The following NRXN1 variants were observed in gnomAD, a reference collection of about 807,000 sequenced individuals.
NRXN1 encodes neurexin-1.
Under a neutral mutation model 150.9 loss-of-function variants are expected in NRXN1, and 39 were observed. That is an observed-to-expected ratio of 0.26 (90% CI 0.20 to 0.34). NRXN1 has a LOEUF of 0.34. Among genes scored for constraint, NRXN1 ranks in the 10% least tolerant of loss-of-function variants. The pLI, the probability that NRXN1 is intolerant of heterozygous loss-of-function variation, is 1.00. For synonymous variants in NRXN1, 924 were observed against 757.0 expected (o/e 1.22, Z -3.62); for missense variants, 1,815 against 1,949.9 (o/e 0.93, Z 1.30).
At chr2:50,479,462 A>G (rs1026144704) in intron 15 of NRXN1, among the ~76,000 whole-genome samples, 2 of 152,222 alleles carry the variant, frequency 1.3e-5, no homozygotes, top group Non-Finnish European at 2.9e-5. Context: ...AAATGATTTT[A>G]TCTTTTTCAG....
intron 5 of NRXN1, among the ~76,000 whole-genome samples, chr2:50,707,468 C>A (rs1384654928): frequency 6.6e-6 from 1 of 152,176 alleles, no homozygotes; most frequent in Non-Finnish European, 1.5e-5. Context: ...ATACCCATTT[C>A]AACTTCCAAA....
intron 5 of NRXN1, among the ~76,000 whole-genome samples, chr2:50,885,296 T>A (rs1336481390): frequency 1.3e-5 from 2 of 151,298 alleles, no homozygotes; most frequent in Admixed American, 6.6e-5. Context: ...GAAAGCTATA[T>A]CTTAGAAACA....
intron 15 of NRXN1, among the ~76,000 whole-genome samples, chr2:50,481,228 CACT>C (rs1162198124): frequency 1.3e-5 from 2 of 152,164 alleles, no homozygotes; most frequent in Non-Finnish European, 2.9e-5. Context: ...TGTACAGCTT[CACT>C]ACTACAACAT....
intron 21 of NRXN1, among the ~76,000 whole-genome samples, chr2:49,987,243 C>T (rs1404251516): frequency 6.6e-6 from 1 of 151,992 alleles, no homozygotes; most frequent in African/African-American, 2.4e-5. Context: ...TCTCTTAGCT[C>T]CCACATATGA....
chr2:50,201,841 A>G (rs1313080618), intron 18 of NRXN1, among the ~76,000 whole-genome samples: 3 of 152,202 alleles, frequency 2.0e-5, no homozygotes, highest in Admixed American at 6.5e-5. Flanking sequence ...ATTAGCTTCC[A>G]AGGTAGTGCA....
intron 5 of NRXN1, among the ~76,000 whole-genome samples, chr2:50,814,319 T>C (rs575046923): frequency 7.9e-5 from 12 of 152,196 alleles, no homozygotes; most frequent in African/African-American, 2.9e-4. Context: ...TTTTAATCAA[T>C]ATAAATTATA....
At chr2:49,927,272 T>G (rs2104103067) in intron 22 of NRXN1, among the ~76,000 whole-genome samples, 1 of 152,358 alleles carries the variant, frequency 6.6e-6, no homozygotes, top group East Asian at 1.9e-4. Context: ...ACTTTCTAAA[T>G]TTGTTTGCAA....
At chr2:50,380,390 G>A (rs1270145935) in intron 17 of NRXN1, among the ~76,000 whole-genome samples, 1 of 151,832 alleles carries the variant, frequency 6.6e-6, no homozygotes, top group African/African-American at 2.4e-5. Context: ...CTGTCAAAAT[G>A]GTCCTAAGGT....
At chr2:50,866,539 T>A (rs115942830) in intron 5 of NRXN1, among the ~76,000 whole-genome samples, 1 of 152,056 alleles carries the variant, frequency 6.6e-6, no homozygotes, top group South Asian at 2.1e-4. Flanking sequence ...ATGGCTGTCA[T>A]GAAAGTAGAT....
intron 12 of NRXN1, among the ~76,000 whole-genome samples, chr2:50,524,700 T>A (rs1307269305): frequency 6.6e-6 from 1 of 152,004 alleles, no homozygotes; most frequent in African/African-American, 2.4e-5. Flanking sequence ...ATATGACAAT[T>A]AGGACTTACC....
intron 17 of NRXN1, among the ~76,000 whole-genome samples, chr2:50,332,613 T>A (rs1395398315): frequency 1.3e-5 from 2 of 152,238 alleles, no homozygotes; most frequent in Non-Finnish European, 2.9e-5. Context: ...ACTCTCTTTG[T>A]AAATTTGTTT....
At chr2:50,107,520 C>CATATAT (rs150310372) in intron 18 of NRXN1, among the ~76,000 whole-genome samples, 36 of 136,060 alleles carry the variant, frequency 2.6e-4, no homozygotes, top group African/African-American at 8.9e-4. Context: ...TTCCAGACTA[C>CATATAT]ATATATATAT....
At chr2:50,926,098 A>G in intron 2 of NRXN1, 143 bp from the exon 3 acceptor site, 1 of 702,158 alleles carries the variant, frequency 1.4e-6, no homozygotes, top group East Asian at 2.8e-5. Flanking sequence ...TTCAAGGGGG[A>G]AAACAAAATC....
chr2:50,739,172 C>G, intron 5 of NRXN1: 1 of 361,352 alleles, frequency 2.8e-6, no homozygotes, highest in Non-Finnish European at 5.8e-6. Flanking sequence ...AAAATTCTTA[C>G]AAATCCTTAT....
At chr2:50,661,464 T>C (rs1197787673) in intron 5 of NRXN1, among the ~76,000 whole-genome samples, 1 of 152,068 alleles carries the variant, frequency 6.6e-6, no homozygotes. Context: ...CAAACATAAA[T>C]AGTGATTTCC....
intron 5 of NRXN1, among the ~76,000 whole-genome samples, chr2:50,744,821 A>G (rs1315874893): frequency 6.6e-6 from 1 of 152,226 alleles, no homozygotes; most frequent in African/African-American, 2.4e-5. Flanking sequence ...TGTTTAGCAC[A>G]GAATGTTAAA....
chr2:50,587,505 C>G (rs1400609017), intron 8 of NRXN1, among the ~76,000 whole-genome samples: 4 of 152,006 alleles, frequency 2.6e-5, no homozygotes, highest in African/African-American at 9.7e-5. Flanking sequence ...TCCCTGTTTT[C>G]CCTATTGCAG....
intron 17 of NRXN1, among the ~76,000 whole-genome samples, chr2:50,341,612 G>T (rs937375445): frequency 6.6e-6 from 1 of 152,194 alleles, no homozygotes; most frequent in African/African-American, 2.4e-5. Flanking sequence ...AGTCAGACCA[G>T]TCTGCATTAA....
chr2:50,873,309 A>G (rs2106110156), intron 5 of NRXN1, among the ~76,000 whole-genome samples: 1 of 152,038 alleles, frequency 6.6e-6, no homozygotes, highest in East Asian at 1.9e-4. Context: ...CAAAACAAAC[A>G]AATCTTGATA....
Sources: gnomAD v4.1 joint callset for allele counts (sites outside exome capture counted in the v4.1 genomes callset) on GRCh38, gnomAD v4.1.1 for gene constraint, MANE v1.5 for transcripts, NCBI Gene and HGNC (gene_info 2026-07-23, HGNC 2026-07-21) for gene names.